The following DIRAS2 variants were observed in gnomAD, a reference collection of about 807,000 sequenced individuals.
The protein encoded by DIRAS2 is DIRAS family GTPase 2.
DIRAS2 carries 5 observed loss-of-function variants against 13.9 expected under a neutral mutation model. That is an observed-to-expected ratio of 0.36 (90% CI 0.19 to 0.76). The LOEUF (loss-of-function observed/expected upper bound fraction) is 0.76, where lower values mean the gene tolerates loss of function less well. Ranked by LOEUF, DIRAS2 falls within the 30% of genes least tolerant of loss-of-function variation. DIRAS2 has a pLI of 0.53. For missense variants in DIRAS2, 191 were observed against 263.0 expected, an observed-to-expected ratio of 0.73 and a Z score of 1.89; for synonymous variants, 111 against 105.4, an observed-to-expected ratio of 1.05 and a Z score of -0.33.
chr9:90,628,938 T>C (rs1045071697), intron 1 of DIRAS2, among the ~76,000 whole-genome samples: 2 of 152,004 alleles, frequency 1.3e-5, no homozygotes, highest in African/African-American at 4.8e-5. Context: ...CACCGCAAGC[T>C]CCGCCTCCCG....
At chr9:90,632,388 C>T (rs1287630676) in intron 1 of DIRAS2, among the ~76,000 whole-genome samples, 1 of 152,184 alleles carries the variant, frequency 6.6e-6, no homozygotes, top group East Asian at 1.9e-4. Flanking sequence ...AGACCCTCTT[C>T]CCCCAGGTAA....
At chr9:90,640,038 T>C (rs955059828) in intron 1 of DIRAS2, among the ~76,000 whole-genome samples, 18 of 152,356 alleles carry the variant, frequency 1.2e-4, no homozygotes, top group African/African-American at 4.3e-4. Context: ...TTGTAAGTCG[T>C]CAGCAGGCAT....
chr9:90,620,749 AAAAG>A (rs376759123), intron 1 of DIRAS2, among the ~76,000 whole-genome samples: 6 of 152,196 alleles, frequency 3.9e-5, no homozygotes, highest in African/African-American at 1.4e-4. Flanking sequence ...CTCAAAAAAA[AAAAG>A]AAAGGAAAGA....
chr9:90,615,968 T>C (rs1260638439), intron 1 of DIRAS2, among the ~76,000 whole-genome samples: 1 of 152,252 alleles, frequency 6.6e-6, no homozygotes, highest in African/African-American at 2.4e-5. Flanking sequence ...AATGAAGCTC[T>C]CTTTTTGCTT....
At position 90,613,941 on chromosome 9, in the gene DIRAS2, T is replaced by G; in HGVS notation, c.-36-78A>C. 1 of 1,335,110 alleles carries G rather than the reference T, an allele frequency of 7.5e-7. No homozygotes were observed. Among genetic ancestry groups the G allele is most frequent in the South Asian group, 1.6e-5 (1 of 61,794 alleles). The allele number at this position is 1,335,110 out of a possible 1,614,324, so 82.7% of individuals were successfully genotyped here. On this transcript the variant is annotated intron_variant, in intron 1 of 1. Coordinates refer to ENST00000375765, the MANE Select transcript of DIRAS2 (RefSeq NM_017594.5). The surrounding 1 kb of genome is among the most constrained non-coding windows in gnomAD (Gnocchi z 5.6). ...TTAATAAGGATAGCTCTACCCTCTT[T>G]TGATAGCTTAAAAATGGGAGGTGAT...
intron 1 of DIRAS2, among the ~76,000 whole-genome samples, chr9:90,636,187 G>A (rs938571346): frequency 2.6e-5 from 4 of 151,664 alleles, no homozygotes; most frequent in African/African-American, 7.3e-5. Flanking sequence ...ACAGGCGCCC[G>A]CCACCACACC....
chr9:90,634,162 C>T (rs907341969), intron 1 of DIRAS2, among the ~76,000 whole-genome samples: 3 of 152,086 alleles, frequency 2.0e-5, no homozygotes, highest in Non-Finnish European at 4.4e-5. Context: ...AAAGGTCCTC[C>T]TGTGCCTGTG....
chr9:90,625,586 C>T (rs1825261247), intron 1 of DIRAS2, among the ~76,000 whole-genome samples: 1 of 152,160 alleles, frequency 6.6e-6, no homozygotes. Context: ...ATTCTTCCCC[C>T]ATTGAATGGT....
chr9:90,620,220 G>A (rs690236), intron 1 of DIRAS2, among the ~76,000 whole-genome samples: 1 of 151,968 alleles, frequency 6.6e-6, no homozygotes, highest in Non-Finnish European at 1.5e-5. Context: ...AAACAGACAT[G>A]AGGAGGGCCA....
intron 1 of DIRAS2, among the ~76,000 whole-genome samples, chr9:90,614,455 G>C (rs1587718628): frequency 6.6e-6 from 1 of 151,930 alleles, no homozygotes; most frequent in East Asian, 1.9e-4. Flanking sequence ...TGCAGGAGTT[G>C]GTGCCATTAG....
chr9:90,624,773 G>A (rs371911781), intron 1 of DIRAS2, among the ~76,000 whole-genome samples: 20 of 151,576 alleles, frequency 1.3e-4, no homozygotes, highest in South Asian at 4.2e-4. Flanking sequence ...GTGCAATGGC[G>A]CGATCTCAGC....
In DIRAS2 at chr9:90,610,621, A is replaced by G; in HGVS notation, c.*2607T>C. 8 of 389,844 alleles carry G rather than the reference A, an allele frequency of 2.1e-5. No homozygotes were observed. The highest frequency in any genetic ancestry group is 3.6e-5 in the Non-Finnish European group (8 of 221,602). 24.1% of individuals were successfully genotyped at this position (389,844 alleles called of 1,614,324 possible). A position where few individuals can be genotyped will look rare whatever the true frequency, so the allele number is the denominator to read the frequency against. ...TACATATTTGGGAATGGAAACGTAC[A>G]AATGCTTTAAAAAAATCTAATTCTG... On this transcript the variant is annotated 3_prime_UTR_variant, in exon 2 of 2. Transcript: ENST00000375765.
At chr9:90,621,268 T>C (rs1246211147) in intron 1 of DIRAS2, among the ~76,000 whole-genome samples, 9 of 152,076 alleles carry the variant, frequency 5.9e-5, no homozygotes, top group African/African-American at 2.2e-4. Flanking sequence ...GAATGACTAG[T>C]ATAAGGTAAT....
At position 90,610,624 on chromosome 9, in the gene DIRAS2, T is replaced by C. The variant is rs2118527659; in HGVS notation, c.*2604A>G. 2.6e-6 allele frequency: 1 copy of C among 389,714 alleles called. No homozygotes were observed. Among genetic ancestry groups the C allele is most frequent in the East Asian group, 3.6e-5 (1 of 27,494 alleles). The allele number at this position is 389,714 out of a possible 1,614,324, so 24.1% of individuals were successfully genotyped here. ...ATATTTGGGAATGGAAACGTACAAA[T>C]GCTTTAAAAAAATCTAATTCTGTGA... is the stretch of plus-strand genomic sequence containing the variant. On this transcript the variant is annotated 3_prime_UTR_variant, in exon 2 of 2. Coordinates refer to ENST00000375765, the MANE Select transcript of DIRAS2 (RefSeq NM_017594.5).
chr9:90,635,872 T>C (rs1825365388), intron 1 of DIRAS2, among the ~76,000 whole-genome samples: 1 of 152,094 alleles, frequency 6.6e-6, no homozygotes, highest in African/African-American at 2.4e-5. Context: ...TTAGTACGAG[T>C]GCTACAACCA....
chr9:90,619,627 A>G (rs1199681000), intron 1 of DIRAS2, among the ~76,000 whole-genome samples: 1 of 152,166 alleles, frequency 6.6e-6, no homozygotes, highest in Non-Finnish European at 1.5e-5. Flanking sequence ...GCTGTTTTGG[A>G]AAAAATTCTA....
chr9:90,628,310 G>A (rs1825290908), intron 1 of DIRAS2, among the ~76,000 whole-genome samples: 2 of 152,064 alleles, frequency 1.3e-5, no homozygotes, highest in Non-Finnish European at 2.9e-5. Flanking sequence ...ATAAAAAATT[G>A]TTTTTAACCT....
intron 1 of DIRAS2, among the ~76,000 whole-genome samples, chr9:90,634,034 C>T (rs886856768): frequency 3.3e-5 from 5 of 152,146 alleles, no homozygotes; most frequent in Non-Finnish European, 7.4e-5. Flanking sequence ...AAGGTAACAG[C>T]TGAATTTACT....
intron 1 of DIRAS2, among the ~76,000 whole-genome samples, chr9:90,624,981 T>C (rs1279558298): frequency 1.3e-5 from 2 of 152,216 alleles, no homozygotes; most frequent in Admixed American, 1.3e-4. Flanking sequence ...GGGCATTTTC[T>C]GATTTATTCA....
Sources: gnomAD v4.1 joint callset for allele counts (sites outside exome capture counted in the v4.1 genomes callset) on GRCh38, gnomAD v4.1.1 for gene constraint, Gnocchi (gnomAD v3.1) non-coding constraint, MANE v1.5 for transcripts, NCBI Gene and HGNC (gene_info 2026-07-23, HGNC 2026-07-21) for gene names.